CPN1: variants seen among roughly 807,000 people sequenced by gnomAD.
The protein encoded by CPN1 is carboxypeptidase N subunit 1.
CPN1 carries 37 observed loss-of-function variants against 46.4 expected under a neutral mutation model. The observed-to-expected ratio is 0.80, with a 90% CI of 0.61 to 1.05. The LOEUF is 1.05. Ranked by LOEUF, CPN1 falls within the 50% of genes least tolerant of loss-of-function variation. The pLI is 0.00. For missense variants in CPN1, 563 were observed against 602.6 expected, an observed-to-expected ratio of 0.93 and a Z score of 0.69; for synonymous variants, 224 against 235.4, an observed-to-expected ratio of 0.95 and a Z score of 0.44.
chr10:100,057,838 T>G (rs903293877), intron 5 of CPN1, among the ~76,000 whole-genome samples: 1 of 152,174 alleles, frequency 6.6e-6, no homozygotes, highest in African/African-American at 2.4e-5. Flanking sequence ...CATTTCACTG[T>G]AAAGAGATAA....
chr10:100,046,110 A>G (rs1048968791), intron 8 of CPN1, among the ~76,000 whole-genome samples: 2 of 152,202 alleles, frequency 1.3e-5, no homozygotes, highest in East Asian at 3.9e-4. Flanking sequence ...TATCTATAAA[A>G]GAAAGCCCTG....
At chr10:100,067,362 C>T (rs976325351) in intron 3 of CPN1, among the ~76,000 whole-genome samples, 7 of 152,270 alleles carry the variant, frequency 4.6e-5, no homozygotes, top group Middle Eastern at 3.4e-3. Context: ...CTGATCTGCC[C>T]GCTTCTGCCT....
chr10:100,075,112 A>G (rs2041506510), intron 2 of CPN1, among the ~76,000 whole-genome samples: 1 of 152,114 alleles, frequency 6.6e-6, no homozygotes, highest in Non-Finnish European at 1.5e-5. Context: ...CAACCTGGCG[A>G]AATCCCGTCT....
At chr10:100,057,536 G>A (rs973555233) in intron 5 of CPN1, among the ~76,000 whole-genome samples, 3 of 152,154 alleles carry the variant, frequency 2.0e-5, no homozygotes, top group Non-Finnish European at 4.4e-5. Flanking sequence ...TCATTGTTGA[G>A]TGGTGATTAG....
chr10:100,062,022 C>T lies in CPN1; in HGVS notation c.871+1592G>A, dbSNP rs527836457. On this transcript the variant is annotated intron_variant, in intron 5 of 8. Transcript: ENST00000370418. ...CGCCCAGCCGTGCCTTGTATTCAAG[C>T]GAGTTTTTGTCCCCAGTCTACCCTC... 2.1e-3 allele frequency among the ~76,000 whole-genome samples: 315 copies of T among 152,044 alleles called. 5 individuals carry two copies. The highest frequency in any genetic ancestry group is 9.7e-4 in the East Asian group (5 of 5,152).
At chr10:100,045,377 C>G (rs2041302114) in intron 8 of CPN1, among the ~76,000 whole-genome samples, 1 of 152,074 alleles carries the variant, frequency 6.6e-6, no homozygotes, top group Non-Finnish European at 1.5e-5. Context: ...AAAGAGGACC[C>G]CAGATCAGCT....
chr10:100,063,702 T>TG lies in CPN1; in HGVS notation c.782dup (p.His262ThrfsTer35), dbSNP rs769250215. 31 of 1,613,940 alleles carry TG rather than the reference T, an allele frequency of 1.9e-5. No individual in the cohort carries two copies. The highest frequency in any genetic ancestry group is 2.2e-5 in the Non-Finnish European group (26 of 1,179,984). ...TCCAACCTTGGAACATCCATCCATG[T>TG]GCATAGGAGTAGACCTTGGCCAGCT... is the stretch of plus-strand genomic sequence containing the variant. On this transcript the variant is annotated frameshift_variant, in exon 5 of 9. Transcript: ENST00000370418. LOFTEE classifies it high-confidence loss of function.
intron 1 of CPN1, among the ~76,000 whole-genome samples, chr10:100,077,227 CTTTTTTT>C (rs57632037): frequency 9.5e-4 from 108 of 113,750 alleles, no homozygotes; most frequent in African/African-American, 3.9e-3. Flanking sequence ...CCGGTTTTAC[CTTTTTTT>C]TTTTTTTTTT....
rs1429479652 is a variant in CPN1 at position 100,069,746 on chromosome 10, G to A, written c.544C>T (p.His182Tyr). Residue 182 changes from histidine to tyrosine, a missense_variant, in exon 3 of 9, where the codon CAC (histidine) becomes TAC (tyrosine). His to Tyr is a moderately conservative substitution (Grantham distance 83). Transcript: ENST00000370418. ...YNEKYGGPNH[H>Y]LPLPDNWKSQ... ...TTCCAGTTGTCTGGAAGGGGCAGGT[G>A]GTGGTTGGGGCCTCCGTACTTCTCG... is the stretch of plus-strand genomic sequence containing the variant. 10 of 1,613,926 alleles carry A rather than the reference G, an allele frequency of 6.2e-6. No homozygotes were observed. The highest frequency in any genetic ancestry group is 2.2e-5 in the East Asian group (1 of 44,866).
chr10:100,051,307 G>A (rs1354756660), intron 7 of CPN1, among the ~76,000 whole-genome samples: 2 of 152,070 alleles, frequency 1.3e-5, no homozygotes, highest in Non-Finnish European at 2.9e-5. Context: ...CTTCAGCAAA[G>A]TACATGTGTT....
intron 3 of CPN1, among the ~76,000 whole-genome samples, chr10:100,068,213 CTT>C (rs565871714): frequency 1.3e-4 from 17 of 127,292 alleles, no homozygotes; most frequent in Admixed American, 3.1e-4. Flanking sequence ...ATTCCCTGAA[CTT>C]TTTTTTTTTT....
At chr10:100,055,274 C>G (rs2041379053) in intron 6 of CPN1, among the ~76,000 whole-genome samples, 1 of 151,794 alleles carries the variant, frequency 6.6e-6, no homozygotes, top group Non-Finnish European at 1.5e-5. Flanking sequence ...CGACCATCAT[C>G]ACCACCCATC....
chr10:100,067,317 T>C (rs937353570), intron 3 of CPN1, among the ~76,000 whole-genome samples: 1 of 152,176 alleles, frequency 6.6e-6, no homozygotes, highest in Non-Finnish European at 1.5e-5. Flanking sequence ...GGTTTCACCA[T>C]GTTAGCCAGG....
chr10:100,079,527 T>C (rs748348540), intron 1 of CPN1, among the ~76,000 whole-genome samples: 3 of 152,350 alleles, frequency 2.0e-5, no homozygotes, highest in Admixed American at 6.5e-5. Context: ...ATGATGTCCA[T>C]GAACACTCAC....
intron 4 of CPN1, 73 bp from the exon 5 acceptor site, chr10:100,063,798 G>T: frequency 8.7e-7 from 1 of 1,145,860 alleles, no homozygotes; most frequent in Non-Finnish European, 1.3e-6. Context: ...CTCACAACTA[G>T]GTTGAAGCCA....
chr10:100,069,781 A>C lies in CPN1; in HGVS notation c.509T>G (p.Ile170Ser). 6.2e-7 allele frequency: 1 copy of C among 1,613,788 alleles called. No homozygotes were observed. The highest frequency in any genetic ancestry group is 8.5e-7 in the Non-Finnish European group (1 of 1,179,974). Residue 170 changes from isoleucine (I) to serine (S), a missense_variant, in exon 3 of 9, where the codon ATC (isoleucine) becomes AGC (serine). Ile to Ser is a moderately radical substitution (Grantham distance 142). Coordinates refer to ENST00000370418, the MANE Select transcript of CPN1 (RefSeq NM_001308.3). ...GCCTCCGTACTTCTCGTTATAGTAG[A>C]TATAGGTATTGAGATCAGGGAAGTT... is the stretch of plus-strand genomic sequence containing the variant. Reference protein sequence around the residue: ...NRNFPDLNTYIYYNEKYGGPN... With the variant: ...NRNFPDLNTYSYYNEKYGGPN...
chr10:100,048,818 T>C lies in CPN1; in HGVS notation c.1170A>G (p.Thr390=). 3.1e-6 allele frequency: 5 copies of C among 1,613,928 alleles called. No homozygotes were observed. The highest frequency in any genetic ancestry group is 4.2e-6 in the Non-Finnish European group (5 of 1,179,834). The part of the protein sequence containing the change: ...LLPGIYTVSA[T]APGYDPETVT... ...CTGTCTCTGGGTCATACCCAGGTGC[T>C]GTGGCACTAACAGTGTAGATACCTG... The change falls in exon 8 of 9, where the codon ACA becomes ACG. Residue 390 remains threonine, a synonymous_variant. Transcript: ENST00000370418.
intron 8 of CPN1, among the ~76,000 whole-genome samples, chr10:100,045,899 G>A (rs1273251749): frequency 6.6e-6 from 1 of 152,092 alleles, no homozygotes; most frequent in Non-Finnish European, 1.5e-5. Flanking sequence ...GGAGTGAGGC[G>A]GCCCTAGGAA....
Position 100,057,063 on chromosome 10 carries a change from G to A in CPN1, c.961C>T (p.Gln321Ter), listed in dbSNP as rs746753786. The A allele has an allele frequency of 1.2e-6, 2 of 1,614,056 alleles. No homozygotes were observed. Among genetic ancestry groups the A allele is most frequent in the African/African-American group, 2.7e-5 (2 of 74,924 alleles). ...CDKFPPEEELQREWLGNREAL... is the reference protein window; with the variant it reads ...CDKFPPEEEL ...TCCCGATTACCCAGCCACTCCCGCT[G>A]TAACTCCTCTTCGGGGGGAAACTTG... Residue 321 changes from glutamine to a stop codon, truncating the protein, a stop_gained, in exon 6 of 9, where the codon CAG becomes TAG. Transcript: ENST00000370418. LOFTEE classifies it high-confidence loss of function.
Sources: allele counts gnomAD v4.1 joint callset (sites outside exome capture counted in the v4.1 genomes callset), GRCh38; gene constraint gnomAD v4.1.1; transcripts MANE v1.5; gene names NCBI Gene and HGNC (gene_info 2026-07-23, HGNC 2026-07-21).